Variants in ERC2 observed in about 807,000 individuals in gnomAD.
The protein encoded by ERC2 is ELKS/RAB6-interacting/CAST family member 2.
A neutral mutation model predicts 114.8 loss-of-function variants in ERC2; 42 were observed. The ratio of observed to expected loss-of-function variants is 0.37; its 90% CI spans 0.29 to 0.47. ERC2 has a LOEUF of 0.47. Among genes scored for constraint, ERC2 ranks in the 20% least tolerant of loss-of-function variants. The pLI is 0.99. For missense variants in ERC2, 939 were observed against 1,150.7 expected (o/e 0.82, Z 2.66); for synonymous variants, 454 against 425.5 (o/e 1.07, Z -0.82).
intron 3 of ERC2, among the ~76,000 whole-genome samples, chr3:56,287,875 G>C (rs569099650): frequency 2.3e-4 from 35 of 152,260 alleles, no homozygotes; most frequent in African/African-American, 7.7e-4. Flanking sequence ...TCAGAGTATC[G>C]ATGGAAGAAT....
rs199999226 is a variant in ERC2, at chr3:55,831,157, AT to A, written c.2564+57231del. Among the ~76,000 whole-genome samples, 1,389 of 148,814 alleles carry A rather than the reference AT, an allele frequency of 9.3e-3. 19 individuals are homozygous for A. The highest frequency in any genetic ancestry group is 0.033 in the African/African-American group (1,334 of 39,862). On this transcript the variant is annotated intron_variant, in intron 14 of 17. Coordinates refer to ENST00000288221, the MANE Select transcript of ERC2 (RefSeq NM_015576.3). Reference sequence around the variant, plus strand: ...CCCCTCTCTACAAAAAAAAAAAAAAATTTAATTAGCCAGGCAGGGTGGCACA... The same window carrying A: ...CCCCTCTCTACAAAAAAAAAAAAAAATTAATTAGCCAGGCAGGGTGGCACA...
At chr3:55,593,792 T>C (rs768229882) in intron 17 of ERC2, among the ~76,000 whole-genome samples, 26 of 152,176 alleles carry the variant, frequency 1.7e-4, no homozygotes, top group Admixed American at 1.5e-3. Flanking sequence ...TCCCTCCTCT[T>C]GGTCCACAAA....
At chr3:55,820,595 G>A (rs991753811) in intron 14 of ERC2, among the ~76,000 whole-genome samples, 1 of 152,058 alleles carries the variant, frequency 6.6e-6, no homozygotes, top group Non-Finnish European at 1.5e-5. Context: ...TTAAAGACTC[G>A]CTCTACCCAT....
chr3:55,865,518 T>C (rs548898220), intron 14 of ERC2, among the ~76,000 whole-genome samples: 77 of 152,284 alleles, frequency 5.1e-4, no homozygotes, highest in African/African-American at 1.7e-3. Flanking sequence ...AATGAGTTTT[T>C]GTACATTCAC....
intron 14 of ERC2, among the ~76,000 whole-genome samples, chr3:55,835,926 T>C (rs2060857345): frequency 6.6e-6 from 1 of 151,504 alleles, no homozygotes; most frequent in African/African-American, 2.4e-5. Flanking sequence ...AAAATCAATG[T>C]ACAAAAATCA....
At position 55,598,859 on chromosome 3, in the gene ERC2, C is replaced by T. The variant is rs181574026; in HGVS notation, c.*39+84935G>A. ...TGGGGAACATTCTTCTTTGACCTAACCCTTCTTCCTCAGAAGGAGCTATGC... is the reference window on the plus strand; with the variant it reads ...TGGGGAACATTCTTCTTTGACCTAATCCTTCTTCCTCAGAAGGAGCTATGC... On this transcript the variant is annotated intron_variant, in intron 17 of 17. Transcript: ENST00000288221. 6.1e-4 allele frequency among the ~76,000 whole-genome samples: 92 copies of T among 151,996 alleles called. 1 individual carries two copies. The highest frequency in any genetic ancestry group is 3.3e-3 in the South Asian group (16 of 4,808).
intron 3 of ERC2, among the ~76,000 whole-genome samples, chr3:56,266,097 G>GA (rs938007006): frequency 6.9e-6 from 1 of 144,730 alleles, no homozygotes; most frequent in East Asian, 2.0e-4. Flanking sequence ...AAATTCAACA[G>GA]AAAAAATACA....
intron 14 of ERC2, among the ~76,000 whole-genome samples, chr3:55,771,949 G>C (rs1003783623): frequency 6.6e-6 from 1 of 152,120 alleles, no homozygotes; most frequent in African/African-American, 2.4e-5. Flanking sequence ...TCACTTGGAG[G>C]GGTGAAATAT....
At chr3:56,080,563 T>C (rs2149756137) in intron 7 of ERC2, among the ~76,000 whole-genome samples, 1 of 152,286 alleles carries the variant, frequency 6.6e-6, no homozygotes, top group South Asian at 2.1e-4. Flanking sequence ...TTTGTACAAT[T>C]CTCTCTATGT....
intron 17 of ERC2, among the ~76,000 whole-genome samples, chr3:55,590,910 C>T (rs1041417579): frequency 6.6e-6 from 1 of 152,110 alleles, no homozygotes; most frequent in African/African-American, 2.4e-5. Context: ...CTCACTGCTG[C>T]CTCTGCCTCC....
At chr3:55,681,132 G>A (rs745589245) in intron 17 of ERC2, among the ~76,000 whole-genome samples, 10 of 152,156 alleles carry the variant, frequency 6.6e-5, no homozygotes, top group East Asian at 1.9e-4. Flanking sequence ...CCGGTCCACC[G>A]TGTGCTCGGA....
intron 16 of ERC2, among the ~76,000 whole-genome samples, chr3:55,692,808 T>C (rs2062732568): frequency 6.6e-6 from 1 of 152,220 alleles, no homozygotes. Flanking sequence ...CAGATTCCTA[T>C]CAACCATTAT....
intron 2 of ERC2, among the ~76,000 whole-genome samples, chr3:56,324,013 C>T (rs918728606): frequency 6.6e-6 from 1 of 152,184 alleles, no homozygotes; most frequent in Non-Finnish European, 1.5e-5. Context: ...CACCTACAAC[C>T]GTGTGTTCTG....
rs2082564350 is a variant in ERC2, at chr3:56,170,315, T to C, written c.1149+3131A>G. The stretch of plus-strand genomic sequence containing the variant: ...CCCCCAGTTTGATGCAGGCAGATGA[T>C]ATTTCCCAAGGTTCACCCCAGAAAA... On this transcript the variant is annotated intron_variant, in intron 4 of 17. Transcript: ENST00000288221. 1.3e-5 allele frequency among the ~76,000 whole-genome samples: 2 copies of C among 152,208 alleles called. 1 individual carries two copies. The highest frequency in any genetic ancestry group is 4.1e-4 in the South Asian group (2 of 4,832).
At chr3:55,774,169 C>T (rs918052958) in intron 14 of ERC2, among the ~76,000 whole-genome samples, 2 of 152,078 alleles carry the variant, frequency 1.3e-5, no homozygotes, top group Non-Finnish European at 2.9e-5. Context: ...AAACATGGTC[C>T]TTACTGAAGG....
chr3:55,988,381 A>G (rs1442247306), intron 11 of ERC2, among the ~76,000 whole-genome samples: 1 of 152,238 alleles, frequency 6.6e-6, no homozygotes, highest in Middle Eastern at 3.2e-3. Flanking sequence ...TTACAGGCAT[A>G]ACTGCACGTG....
intron 6 of ERC2, among the ~76,000 whole-genome samples, chr3:56,089,099 G>T (rs554638191): frequency 1.3e-5 from 2 of 152,272 alleles, no homozygotes; most frequent in Middle Eastern, 3.4e-3. Context: ...GTGGAGGGTT[G>T]TGTGGGTGGG....
At chr3:56,017,747 T>C (rs2073405462) in intron 8 of ERC2, among the ~76,000 whole-genome samples, 1 of 152,126 alleles carries the variant, frequency 6.6e-6, no homozygotes, top group Admixed American at 6.6e-5. Context: ...CCTAGGAATG[T>C]CACGTATTTA....
chr3:56,015,535 A>G (rs2073246678), intron 8 of ERC2, among the ~76,000 whole-genome samples: 1 of 152,178 alleles, frequency 6.6e-6, no homozygotes, highest in African/African-American at 2.4e-5. Context: ...TGCAAATAAC[A>G]TGATCTCATT....
Sources: gnomAD v4.1 joint callset for allele counts (sites outside exome capture counted in the v4.1 genomes callset) on GRCh38, gnomAD v4.1.1 for gene constraint, MANE v1.5 for transcripts, NCBI Gene and HGNC (gene_info 2026-07-23, HGNC 2026-07-21) for gene names.